P2RX5: variants seen among roughly 807,000 people sequenced by gnomAD.
P2RX5 encodes purinergic receptor P2X 5.
A neutral mutation model predicts 54.1 loss-of-function variants in P2RX5; 46 were observed. The observed-to-expected ratio is 0.85, with a 90% confidence interval of 0.67 to 1.09. P2RX5 has a LOEUF of 1.09. Ranked by LOEUF, P2RX5 falls within the 50% of genes least tolerant of loss-of-function variation. The pLI, the probability that P2RX5 is intolerant of heterozygous loss-of-function variation, is 0.00. For missense variants in P2RX5, 566 were observed against 549.8 expected (o/e 1.03, Z -0.29); for synonymous variants, 226 against 226.4 (o/e 1.00, Z 0.02).
chr17:3,715,522 G>A, the P2RX5 span, among the ~76,000 whole-genome samples: 1 of 152,126 alleles, frequency 6.6e-6, no homozygotes, highest in Admixed American at 6.5e-5. Context: ...CTACGCGTAC[G>A]CAGAGGCACG....
the P2RX5 span, chr17:3,723,814 C>A: frequency 6.3e-7 from 1 of 1,579,958 alleles, no homozygotes; most frequent in Non-Finnish European, 8.6e-7. Context: ...CGTCCCGGCC[C>A]CGGCCCTGGC....
intron 10 of P2RX5, 66 bp from the exon 11 acceptor site, chr17:3,679,850 G>T (rs2050190231): frequency 1.4e-6 from 2 of 1,413,986 alleles, no homozygotes; most frequent in Non-Finnish European, 2.0e-6. Flanking sequence ...TAGACGGGCG[G>T]AGTGGGCCTT....
chr17:3,695,565 G>A (rs1226495778), intron 1 of P2RX5, among the ~76,000 whole-genome samples: 1 of 152,114 alleles, frequency 6.6e-6, no homozygotes, highest in Non-Finnish European at 1.5e-5. Context: ...GCCCTAACAC[G>A]TGGGGACCCG....
intron 11 of P2RX5, chr17:3,677,821 A>G: frequency 1.0e-6 from 1 of 985,390 alleles, no homozygotes; most frequent in African/African-American, 1.7e-5. Flanking sequence ...ACTTCCGCTC[A>G]GCACCCTGGC....
In P2RX5 at chr17:3,689,547, C is replaced by G. The variant is rs780739223; in HGVS notation, c.698G>C (p.Arg233Pro). The change falls in exon 7 of 12, where the codon CGA becomes CCA. Residue 233 changes from arginine (R) to proline (P), a missense_variant. Transcript: ENST00000225328. The part of the protein sequence containing the change: ...GPKNHYCPIF[R>P]LGSVIRWAGS... The stretch of plus-strand genomic sequence containing the variant: ...GGCCCAGCGGATCACGGAGCCCAGT[C>G]GGAAGATGGGGCAGTAGTGGTTCTT... The G allele has an allele frequency of 2.5e-6, 4 of 1,614,070 alleles. No homozygotes were observed. In the African/African-American group the frequency reaches 4.0e-5, roughly 16 times the overall value.
At chr17:3,716,699 T>C in the P2RX5 span, 901 of 1,592,416 alleles carry the variant, frequency 5.7e-4, 7 homozygotes, top group African/African-American at 0.011. Flanking sequence ...TTGAACAGGA[T>C]GACCAGAATC....
chr17:3,723,033 C>G, the P2RX5 span, among the ~76,000 whole-genome samples: 1 of 152,164 alleles, frequency 6.6e-6, no homozygotes, highest in Non-Finnish European at 1.5e-5. Context: ...AATGGCAGGG[C>G]TTGCTGCTGG....
the P2RX5 span, among the ~76,000 whole-genome samples, chr17:3,705,202 G>A: frequency 6.6e-6 from 1 of 152,182 alleles, no homozygotes. Flanking sequence ...GGACTGTGGT[G>A]ATGCAATGAG....
At chr17:3,677,276 G>A in intron 11 of P2RX5, 1 of 985,318 alleles carries the variant, frequency 1.0e-6, no homozygotes, top group African/African-American at 1.7e-5. Context: ...GGGTGGGGAG[G>A]GCAGGAGCTC....
intron 11 of P2RX5, among the ~76,000 whole-genome samples, chr17:3,678,310 A>G (rs2142995451): frequency 6.6e-6 from 1 of 152,372 alleles, no homozygotes; most frequent in Non-Finnish European, 1.5e-5. Flanking sequence ...ATAGATGCTC[A>G]GGCAGAAGCC....
chr17:3,710,528 T>C, the P2RX5 span, among the ~76,000 whole-genome samples: 17 of 151,936 alleles, frequency 1.1e-4, no homozygotes, highest in Non-Finnish European at 2.5e-4. Context: ...TCTGGTGCCA[T>C]TATAATATAA....
At chr17:3,700,916 C>A (rs2050811979), upstream of P2RX5, among the ~76,000 whole-genome samples, 1 of 152,208 alleles carries the variant, frequency 6.6e-6, no homozygotes, top group South Asian at 2.1e-4. Flanking sequence ...CCCAGAAACT[C>A]CCCTCACCCC....
intron 1 of P2RX5, among the ~76,000 whole-genome samples, chr17:3,693,519 T>C (rs1301628858): frequency 6.6e-6 from 1 of 152,156 alleles, no homozygotes; most frequent in Non-Finnish European, 1.5e-5. Flanking sequence ...GTGGATCACC[T>C]GAGGTCAGGA....
chr17:3,708,976 G>T, the P2RX5 span, among the ~76,000 whole-genome samples: 1 of 151,874 alleles, frequency 6.6e-6, no homozygotes, highest in African/African-American at 2.4e-5. Flanking sequence ...TTTTGAGACA[G>T]AGTCTTGCTC....
chr17:3,707,777 G>A, the P2RX5 span, among the ~76,000 whole-genome samples: 1 of 151,806 alleles, frequency 6.6e-6, no homozygotes, highest in Non-Finnish European at 1.5e-5. Context: ...CAGGAATCTC[G>A]GCCAGACGCG....
At chr17:3,679,873 G>T in intron 10 of P2RX5, 89 bp from the exon 11 acceptor site, 1 of 1,132,720 alleles carries the variant, frequency 8.8e-7, no homozygotes, top group Non-Finnish European at 1.3e-6. Flanking sequence ...AGAATCCCTC[G>T]CCCTGCAGGC....
At chr17:3,717,021 C>T in the P2RX5 span, 1 of 454,948 alleles carries the variant, frequency 2.2e-6, no homozygotes. Flanking sequence ...TATTCTGGCC[C>T]CTTATCTAGA....
At chr17:3,708,581 A>C in the P2RX5 span, among the ~76,000 whole-genome samples, 2 of 152,236 alleles carry the variant, frequency 1.3e-5, no homozygotes, top group African/African-American at 4.8e-5. Flanking sequence ...TGGAGATTCC[A>C]GAACAAGTTC....
At chr17:3,709,814 C>A in the P2RX5 span, among the ~76,000 whole-genome samples, 2 of 152,132 alleles carry the variant, frequency 1.3e-5, no homozygotes, top group East Asian at 3.8e-4. Context: ...GGGGCTGAGG[C>A]AGGAGAATCG....
Sources: gnomAD v4.1 joint callset for allele counts (sites outside exome capture counted in the v4.1 genomes callset) on GRCh38, gnomAD v4.1.1 for gene constraint, MANE v1.5 for transcripts, NCBI Gene and HGNC (gene_info 2026-07-23, HGNC 2026-07-21) for gene names.